Variants in ADGRL2 observed in about 807,000 individuals in gnomAD.
ADGRL2 encodes calcium-independent alpha-latrotoxin receptor 2.
ADGRL2 carries 44 observed loss-of-function variants against 157.4 expected under a neutral mutation model. The ratio of observed to expected loss-of-function variants is 0.28; its 90% confidence interval spans 0.22 to 0.36. ADGRL2 has a LOEUF of 0.36. ADGRL2 is among the 10% of genes least tolerant of loss of function. ADGRL2 has a pLI of 1.00. For synonymous variants in ADGRL2, 585 were observed against 624.7 expected (o/e 0.94, Z 0.95); for missense variants, 1,510 against 1,768.9 (o/e 0.85, Z 2.63).
chr1:81,524,215 A>G (rs1381226845), intron 2 of ADGRL2, among the ~76,000 whole-genome samples: 1 of 151,766 alleles, frequency 6.6e-6, no homozygotes, highest in Non-Finnish European at 1.5e-5. Flanking sequence ...AAATACAAAA[A>G]ATTAGCCGGA....
In ADGRL2 at chr1:81,990,494, C is replaced by A. The variant is rs750420668; in HGVS notation, c.3759C>A (p.Asp1253Glu). ...SYSLHKGDYNDSVQVVDCGLS... is the reference protein window; with the variant it reads ...SYSLHKGDYNESVQVVDCGLS... ...CGCTGCACAAGGGTGACTATAATGA[C>A]AGCGTGCAAGTTGTGGACTGTGGAC... is the stretch of plus-strand genomic sequence containing the variant. The change falls in exon 24 of 24, where the codon GAC (aspartate) becomes GAA (glutamate). Residue 1253 changes from aspartate to glutamate, a missense_variant. Coordinates refer to ENST00000686636, the MANE Select transcript of ADGRL2 (RefSeq NM_001366006.2). 7 of 1,613,990 alleles carry A rather than the reference C, an allele frequency of 4.3e-6. No individual in the cohort carries two copies. Among genetic ancestry groups the A allele is most frequent in the African/African-American group, 1.3e-5 (1 of 74,916 alleles).
At chr1:81,321,140 G>A (rs965672892) in intron 1 of ADGRL2, among the ~76,000 whole-genome samples, 6 of 152,228 alleles carry the variant, frequency 3.9e-5, no homozygotes, top group Admixed American at 3.9e-4. Flanking sequence ...AACCTCATAA[G>A]CCAACCTCTG....
chr1:81,806,386 T>G (rs1324861245), intron 1 of ADGRL2, among the ~76,000 whole-genome samples: 13 of 152,040 alleles, frequency 8.6e-5, no homozygotes, highest in African/African-American at 3.1e-4. Flanking sequence ...AACACCAGGC[T>G]TCTGGGTGTT....
At chr1:81,368,687 C>A (rs961816964) in intron 1 of ADGRL2, among the ~76,000 whole-genome samples, 3 of 152,164 alleles carry the variant, frequency 2.0e-5, no homozygotes, top group Admixed American at 1.3e-4. Flanking sequence ...AATGTCTGTT[C>A]TTCACACTTT....
At chr1:81,543,598 T>A (rs1053283536) in intron 2 of ADGRL2, among the ~76,000 whole-genome samples, 1 of 152,238 alleles carries the variant, frequency 6.6e-6, no homozygotes, top group Non-Finnish European at 1.5e-5. Flanking sequence ...CTACCCCAAC[T>A]GGAATTAACA....
intron 2 of ADGRL2, among the ~76,000 whole-genome samples, chr1:81,455,343 G>A (rs1014689711): frequency 6.6e-6 from 1 of 152,188 alleles, no homozygotes; most frequent in Non-Finnish European, 1.5e-5. Flanking sequence ...GCACAAGGAT[G>A]TAGGCTTTGG....
At chr1:81,921,302 TAA>T (rs1445604763) in intron 3 of ADGRL2, among the ~76,000 whole-genome samples, 6 of 152,226 alleles carry the variant, frequency 3.9e-5, no homozygotes, top group Non-Finnish European at 8.8e-5. Context: ...AAAAAAATTC[TAA>T]GACTTACTAT....
chr1:81,698,302 C>T (rs1417474972), upstream of ADGRL2, among the ~76,000 whole-genome samples: 1 of 152,100 alleles, frequency 6.6e-6, no homozygotes, highest in Admixed American at 6.6e-5. Flanking sequence ...TTTTAATTTA[C>T]TTGGCCAATG....
intron 1 of ADGRL2, among the ~76,000 whole-genome samples, chr1:81,436,675 T>C (rs1041065951): frequency 4.6e-5 from 7 of 152,228 alleles, no homozygotes; most frequent in Admixed American, 2.0e-4. Flanking sequence ...CTTTCCATCC[T>C]TCCACTTCTA....
intron 1 of ADGRL2, among the ~76,000 whole-genome samples, chr1:81,417,491 T>TCTTATATTAGTAATA (rs978294340): frequency 1.3e-5 from 2 of 152,184 alleles, no homozygotes; most frequent in African/African-American, 4.8e-5. Context: ...ATGTTTTCCT[T>TCTTATATTAGTAATA]CTTATATTAG....
At chr1:81,586,805 C>T (rs750301502) in intron 3 of ADGRL2, among the ~76,000 whole-genome samples, 1 of 152,108 alleles carries the variant, frequency 6.6e-6, no homozygotes, top group East Asian at 1.9e-4. Context: ...TACTTCCTAC[C>T]ACCTTCAAAG....
At chr1:81,442,929 G>C (rs1037259339) in intron 1 of ADGRL2, among the ~76,000 whole-genome samples, 4 of 152,156 alleles carry the variant, frequency 2.6e-5, no homozygotes. Context: ...CAAACTTACA[G>C]TACGCTGACA....
chr1:81,490,119 C>A (rs543246439), intron 2 of ADGRL2, among the ~76,000 whole-genome samples: 10 of 148,456 alleles, frequency 6.7e-5, no homozygotes, highest in African/African-American at 2.2e-4. Context: ...ATTTGAGCGA[C>A]TTAACATATT....
chr1:81,712,609 C>T (rs1373879819), intron 1 of ADGRL2, among the ~76,000 whole-genome samples: 1 of 152,058 alleles, frequency 6.6e-6, no homozygotes, highest in Non-Finnish European at 1.5e-5. Flanking sequence ...GGCTTCTAAG[C>T]CAGCTGTGTC....
intron 2 of ADGRL2, among the ~76,000 whole-genome samples, chr1:81,470,129 C>T (rs1007467746): frequency 4.6e-5 from 7 of 152,150 alleles, no homozygotes; most frequent in African/African-American, 1.7e-4. Flanking sequence ...TATTCTAACG[C>T]ACACATCTGG....
chr1:81,850,259 C>T (rs1488965964), intron 2 of ADGRL2, among the ~76,000 whole-genome samples: 1 of 151,910 alleles, frequency 6.6e-6, no homozygotes, highest in Non-Finnish European at 1.5e-5. Flanking sequence ...AGTTAAGAGG[C>T]AGCAACTCTG....
intron 1 of ADGRL2, among the ~76,000 whole-genome samples, chr1:81,428,435 G>T (rs933767418): frequency 6.6e-6 from 1 of 152,090 alleles, no homozygotes; most frequent in Non-Finnish European, 1.5e-5. Flanking sequence ...GAAGGTTCAA[G>T]AATTTGAGCC....
At chr1:81,768,192 C>T (rs1423427008) in intron 2 of ADGRL2, among the ~76,000 whole-genome samples, 2 of 151,912 alleles carry the variant, frequency 1.3e-5, no homozygotes, top group Non-Finnish European at 1.5e-5. Flanking sequence ...ACTACAGACT[C>T]GTACCACCAC....
intron 3 of ADGRL2, among the ~76,000 whole-genome samples, chr1:81,612,873 C>T (rs1243363273): frequency 6.6e-6 from 1 of 152,134 alleles, no homozygotes; most frequent in African/African-American, 2.4e-5. Context: ...TATCACTTCA[C>T]ATCTGTCAGG....
Sources: allele counts gnomAD v4.1 joint callset (sites outside exome capture counted in the v4.1 genomes callset), GRCh38; gene constraint gnomAD v4.1.1; transcripts MANE v1.5; gene names NCBI Gene and HGNC (gene_info 2026-07-23, HGNC 2026-07-21).